The following NRL variants were observed in gnomAD, a reference collection of about 807,000 sequenced individuals.
NRL encodes the protein neural retina-specific leucine zipper protein.
In NRL, 16 loss-of-function variants were observed where a neutral mutation model predicts 12.5. The observed-to-expected ratio is 1.28, with a 90% CI of 0.87 to 1.95. NRL has a LOEUF of 1.95. NRL is among the 30% of genes most tolerant of loss of function. The pLI is 0.00. For missense variants in NRL, 314 were observed against 325.8 expected (o/e 0.96, Z 0.28); for synonymous variants, 142 against 150.9 (o/e 0.94, Z 0.43).
At position 24,081,080 on chromosome 14, in the gene NRL, T is replaced by C. The variant is rs530034913; in HGVS notation, c.*156A>G. The C allele has an allele frequency of 1.1e-4, 49 of 452,250 alleles. No homozygotes were observed. Among genetic ancestry groups the C allele is most frequent in the African/African-American group, 8.8e-4 (43 of 49,102 alleles). 28.0% of individuals were successfully genotyped at this position (452,250 alleles called of 1,614,324 possible). A position where few individuals can be genotyped will look rare whatever the true frequency, so the allele number is the denominator to read the frequency against. On this transcript the variant is annotated 3_prime_UTR_variant, in exon 3 of 3. Transcript: ENST00000561028. This position sits in a 1 kb window ranked among gnomAD's most constrained non-coding sequence, Gnocchi z 4.4. ...CCAGCATCTAAATTCGGGCATGACT[T>C]GAGGACCCAAAAGCTTTGGGGATAT... is the stretch of plus-strand genomic sequence containing the variant.
intron 1 of NRL, among the ~76,000 whole-genome samples, chr14:24,102,278 G>A (rs2037192581): frequency 6.6e-6 from 1 of 152,200 alleles, no homozygotes; most frequent in Admixed American, 6.5e-5. Context: ...TAACTTAGGA[G>A]AACCTGTCTT....
rs1412157758 is a variant in NRL, at chr14:24,103,734, G to T, written c.-28+10988C>A. ...CTGGATCTGCCGGCGGTTAGAGGGGGAGGACAGTGCCCGAGAGACACCCAT... is the reference window on the plus strand; with the variant it reads ...CTGGATCTGCCGGCGGTTAGAGGGGTAGGACAGTGCCCGAGAGACACCCAT... On this transcript the variant is annotated intron_variant, in intron 1 of 2. Transcript: ENST00000561028. 3.1e-6 allele frequency: 5 copies of T among 1,614,204 alleles called. No individual in the cohort carries two copies. The East Asian group carries it at 8.9e-5, about 29-fold the overall frequency.
rs1381783962 is a variant in NRL, at chr14:24,094,776, C to T, written c.-27-11901G>A. 5.0e-6 allele frequency: 7 copies of T among 1,402,622 alleles called. No individual in the cohort carries two copies. Among genetic ancestry groups the T allele is most frequent in the Non-Finnish European group, 6.6e-6 (7 of 1,062,292 alleles). 86.9% of individuals were successfully genotyped at this position (1,402,622 alleles called of 1,614,324 possible). On this transcript the variant is annotated intron_variant, in intron 1 of 2. Transcript: ENST00000561028. The surrounding 1 kb of genome is among the most constrained non-coding windows in gnomAD (Gnocchi z 4.1). Reference sequence around the variant, plus strand: ...TCCTTTCCTTCCCAGATACCTCCCTCGGACCTCTAACGGGCTCTCAGCCAG... The same window carrying T: ...TCCTTTCCTTCCCAGATACCTCCCTTGGACCTCTAACGGGCTCTCAGCCAG...
intron 1 of NRL, chr14:24,110,665 T>C (rs1021648395): frequency 1.3e-5 from 2 of 152,406 alleles, no homozygotes; most frequent in African/African-American, 4.8e-5. Context: ...AACAATCCCA[T>C]ATTGCAAGAT....
chr14:24,103,298 A>G, intron 1 of NRL: 1 of 1,489,494 alleles, frequency 6.7e-7, no homozygotes. Context: ...GTGTGCACAC[A>G]GCACGTCCTC....
intron 1 of NRL, chr14:24,098,514 T>G: frequency 1.2e-6 from 2 of 1,614,154 alleles, no homozygotes; most frequent in African/African-American, 1.3e-5. Context: ...ATGGGTCCTG[T>G]GGGCTCCCCG....
intron 1 of NRL, among the ~76,000 whole-genome samples, chr14:24,111,526 A>C (rs1594323879): frequency 1.4e-5 from 2 of 145,190 alleles, no homozygotes; most frequent in African/African-American, 2.6e-5. Context: ...AGCGCATGCC[A>C]CCACACTCGG....
chr14:24,095,462 C>T, intron 1 of NRL: 2 of 339,664 alleles, frequency 5.9e-6, no homozygotes, highest in South Asian at 2.2e-5. Flanking sequence ...GCTTCTACCC[C>T]AGACAGACTC....
chr14:24,104,742 G>T (rs894181990), intron 1 of NRL, among the ~76,000 whole-genome samples: 1 of 151,882 alleles, frequency 6.6e-6, no homozygotes, highest in Non-Finnish European at 1.5e-5. Context: ...CTCCCACTTA[G>T]ATTGCAGAAG....
chr14:24,099,206 G>A, intron 1 of NRL: 2 of 1,600,972 alleles, frequency 1.2e-6, no homozygotes, highest in Middle Eastern at 1.7e-4. Context: ...GGCTGGCCCG[G>A]GATGAGGGCT....
At chr14:24,098,458 G>C (rs1245022822) in intron 1 of NRL, 1 of 1,613,790 alleles carries the variant, frequency 6.2e-7, no homozygotes, top group South Asian at 1.1e-5. Context: ...TCATCCAGGG[G>C]ATGCCTTCCT....
intron 1 of NRL, among the ~76,000 whole-genome samples, chr14:24,106,914 C>T (rs1035664595): frequency 1.3e-5 from 2 of 151,642 alleles, no homozygotes; most frequent in Admixed American, 6.6e-5. Context: ...GAAATGCCTA[C>T]ACTTTACAGT....
At chr14:24,100,089 G>A in intron 1 of NRL, 1 of 1,612,708 alleles carries the variant, frequency 6.2e-7, no homozygotes. Flanking sequence ...CTACAATCCA[G>A]AGTAACACTA....
chr14:24,103,293 C>A, intron 1 of NRL: 1 of 1,509,534 alleles, frequency 6.6e-7, no homozygotes, highest in Non-Finnish European at 9.2e-7. Flanking sequence ...CCTGTGTGTG[C>A]ACACAGCACG....
Position 24,102,928 on chromosome 14 carries a change from G to T in NRL, c.-28+11794C>A, listed in dbSNP as rs530386104. The T allele has an allele frequency of 2.5e-6, 4 of 1,598,616 alleles. No homozygotes were observed. In the African/African-American group the frequency reaches 5.4e-5, roughly 21 times the overall value. On this transcript the variant is annotated intron_variant, in intron 1 of 2. Transcript: ENST00000561028. ...TGAGCTCCATGTTCTTGGCAAAAGG[G>T]CTATCTCTGTATTAGGGCCTACCTC... is the stretch of plus-strand genomic sequence containing the variant.
Position 24,082,504 on chromosome 14 carries a change from TG to T in NRL, c.344del (p.Pro115GlnfsTer31). On this transcript the variant is annotated frameshift_variant, in exon 2 of 3. Coordinates refer to ENST00000561028, the MANE Select transcript of NRL (RefSeq NM_001354768.3). LOFTEE classifies it high-confidence loss of function. ...VPVDGPHGYY[P>X]GSPEETGAQH... is the part of the protein sequence containing the mutation. Reference sequence around the variant, plus strand: ...GGGCTCCTGTCTCCTCTGGGCTCCCTGGGTAGTAGCCATGGGGCCCATCAAC... The same window carrying T: ...GGGCTCCTGTCTCCTCTGGGCTCCCTGGTAGTAGCCATGGGGCCCATCAAC... 1 of 1,613,078 alleles carries T rather than the reference TG, an allele frequency of 6.2e-7. No homozygotes were observed. Among genetic ancestry groups the T allele is most frequent in the Non-Finnish European group, 8.5e-7 (1 of 1,180,016 alleles).
At chr14:24,103,466 C>G in intron 1 of NRL, 2 of 1,482,602 alleles carry the variant, frequency 1.3e-6, no homozygotes, top group East Asian at 2.3e-5. Context: ...CTTCCCTACC[C>G]CAGTGAGAAG....
At chr14:24,102,704 G>A (rs750360289) in intron 1 of NRL, 2 of 1,556,756 alleles carry the variant, frequency 1.3e-6, no homozygotes, top group Non-Finnish European at 1.8e-6. Context: ...GTGTGTGTTG[G>A]GGGTCGACAT....
At chr14:24,098,100 G>A in intron 1 of NRL, 6 of 919,306 alleles carry the variant, frequency 6.5e-6, no homozygotes, top group Non-Finnish European at 9.9e-6. Flanking sequence ...GGAAACATAA[G>A]GCCAACAGAA....
Sources: gnomAD v4.1 joint callset for allele counts (sites outside exome capture counted in the v4.1 genomes callset) on GRCh38, gnomAD v4.1.1 for gene constraint, Gnocchi (gnomAD v3.1) non-coding constraint, MANE v1.5 for transcripts, NCBI Gene and HGNC (gene_info 2026-07-23, HGNC 2026-07-21) for gene names.